Variants in PKD1L1 observed in about 807,000 individuals in gnomAD.
PKD1L1 encodes polycystin-1-like protein 1.
PKD1L1 carries 236 observed loss-of-function variants against 323.4 expected under a neutral mutation model. The ratio of observed to expected loss-of-function variants is 0.73; its 90% CI spans 0.66 to 0.81. PKD1L1 has a LOEUF of 0.81. Ranked by LOEUF, PKD1L1 falls within the 40% of genes least tolerant of loss-of-function variation. The probability of loss-of-function intolerance (pLI) is 0.00; values close to 1 mark genes in which losing one functional copy is unlikely to be tolerated. For synonymous variants in PKD1L1, 1,344 were observed against 1,335.0 expected (o/e 1.01, Z -0.15); for missense variants, 3,320 against 3,508.0 (o/e 0.95, Z 1.35).
At chr7:47,959,060 G>C in the PKD1L1 span, among the ~76,000 whole-genome samples, 2 of 152,284 alleles carry the variant, frequency 1.3e-5, no homozygotes, top group African/African-American at 4.8e-5. Context: ...CTAACTGCGA[G>C]TGATCCGCCA....
Position 47,782,648 on chromosome 7 carries a change from T to C in PKD1L1, c.8527-7482A>G, listed in dbSNP as rs138138083. Among the ~76,000 whole-genome samples the C allele has an allele frequency of 5.1e-4, 78 of 152,308 alleles. 1 individual carries two copies. The East Asian group carries it at 0.014, about 28-fold the overall frequency. On this transcript the variant is annotated intron_variant, in intron 56 of 56. Transcript: ENST00000289672. ...CACACTGGTGTAGTGAATGATGACA[T>C]TGGTACACCCATGTGTGCTAGCTGT...
At chr7:47,922,339 C>G (rs1450716896) in intron 7 of PKD1L1, among the ~76,000 whole-genome samples, 3 of 152,340 alleles carry the variant, frequency 2.0e-5, no homozygotes, top group Non-Finnish European at 2.9e-5. Flanking sequence ...ACTACCCCGT[C>G]TAGGAAGTGA....
Position 47,890,783 on chromosome 7 carries a change from AG to A in PKD1L1, c.2454-21del, listed in dbSNP as rs779306545. On this transcript the variant is annotated intron_variant, in intron 15 of 56. Transcript: ENST00000289672. ...TGATACCTGTTGGAGAAGTCATCGG[AG>A]TGGCTGAGGGGAGCATCAGGCAGAG... The A allele has an allele frequency of 3.7e-6, 6 of 1,609,162 alleles. No individual in the cohort carries two copies. Among genetic ancestry groups the A allele is most frequent in the Non-Finnish European group, 5.1e-6 (6 of 1,178,038 alleles).
chr7:47,949,166 C>G (rs1432751997), upstream of PKD1L1, among the ~76,000 whole-genome samples: 1 of 149,574 alleles, frequency 6.7e-6, no homozygotes, highest in Non-Finnish European at 1.5e-5. Context: ...GTCAGGAGCT[C>G]GAGACCAGCC....
chr7:47,896,540 T>TC (rs150021738), intron 14 of PKD1L1, among the ~76,000 whole-genome samples: 3,388 of 151,982 alleles, frequency 0.022, 135 homozygotes, highest in African/African-American at 0.077. Context: ...TGTTTAGTTG[T>TC]TTGGGGGGGA....
chr7:47,861,879 TCAAAAAAAAAAAA>T (rs1786034656), intron 26 of PKD1L1, among the ~76,000 whole-genome samples: 1 of 14,710 alleles, frequency 6.8e-5, no homozygotes, highest in African/African-American at 2.3e-4. Context: ...AGACTCTGTC[TCAAAAAAAAAAAA>T]AAAAAAAAAA....
chr7:47,813,930 C>T lies in PKD1L1; in HGVS notation c.7173+1G>A. 2 of 1,612,566 alleles carry T rather than the reference C, an allele frequency of 1.2e-6. No homozygotes were observed. Among genetic ancestry groups the T allele is most frequent in the Non-Finnish European group, 1.7e-6 (2 of 1,178,572 alleles). ...AAGCAAAAGGAAAAGGAACATCTTA[C>T]CTTGCATAAATGCCTAGGAAAAACT... On this transcript the variant is annotated splice_donor_variant, in intron 48 of 56. Transcript: ENST00000289672. LOFTEE classifies it high-confidence loss of function.
At chr7:47,827,031 T>C (rs955414676) in intron 45 of PKD1L1, among the ~76,000 whole-genome samples, 3 of 152,062 alleles carry the variant, frequency 2.0e-5, no homozygotes, top group African/African-American at 7.2e-5. Flanking sequence ...TGAAATCCAA[T>C]TGTGTGTGTG....
chr7:47,820,062 C>T (rs2128732142), intron 46 of PKD1L1, among the ~76,000 whole-genome samples: 2 of 152,286 alleles, frequency 1.3e-5, no homozygotes, highest in East Asian at 3.9e-4. Context: ...AATATTATTT[C>T]ATATCATGCA....
At chr7:47,789,966 G>A (rs191759637) in intron 56 of PKD1L1, among the ~76,000 whole-genome samples, 9 of 151,946 alleles carry the variant, frequency 5.9e-5, no homozygotes, top group African/African-American at 2.2e-4. Context: ...TCGGCTCACC[G>A]CAACCTCTGC....
At chr7:47,803,139 G>T (rs1165384115) in intron 53 of PKD1L1, 71 bp downstream of exon 53, 7 of 1,580,246 alleles carry the variant, frequency 4.4e-6, no homozygotes, top group Non-Finnish European at 5.2e-6. Flanking sequence ...TTTTTCCCTT[G>T]AGAAAGGCTG....
intron 24 of PKD1L1, among the ~76,000 whole-genome samples, chr7:47,870,183 A>AAAC (rs201556745): frequency 0.32 from 48,631 of 150,854 alleles, 8,298 homozygotes; most frequent in African/African-American, 0.43. Context: ...CAACAACAAC[A>AAAC]AAAAAAAACA....
At chr7:47,820,649 C>T (rs1785119760) in intron 46 of PKD1L1, among the ~76,000 whole-genome samples, 1 of 152,038 alleles carries the variant, frequency 6.6e-6, no homozygotes, top group African/African-American at 2.4e-5. Context: ...ATCGCTTGAA[C>T]CTGGGAGGTG....
rs190407052 is a variant in PKD1L1 at position 47,805,409 on chromosome 7, T to C, written c.7828-2065A>G. On this transcript the variant is annotated intron_variant, in intron 52 of 56. Coordinates refer to ENST00000289672, the MANE Select transcript of PKD1L1 (RefSeq NM_138295.5). ...GCCTACATTGAAGTTAGAGCTAAAT[T>C]CCTCTAACTGTCTCTACAGAGAATA... Among the ~76,000 whole-genome samples the C allele has an allele frequency of 7.3e-3, 1,108 of 152,340 alleles. 9 individuals carry two copies. The highest frequency in any genetic ancestry group is 0.026 in the African/African-American group (1,063 of 41,582).
At chr7:47,826,917 A>G (rs1785249061) in intron 45 of PKD1L1, among the ~76,000 whole-genome samples, 1 of 152,230 alleles carries the variant, frequency 6.6e-6, no homozygotes, top group South Asian at 2.1e-4. Context: ...TCCATGCCCT[A>G]AGAAGAGGTG....
chr7:47,862,090 G>A (rs532659500), intron 26 of PKD1L1, among the ~76,000 whole-genome samples: 1 of 151,448 alleles, frequency 6.6e-6, no homozygotes, highest in East Asian at 2.0e-4. Flanking sequence ...AGCTACTAGG[G>A]ACGCTGAGAC....
chr7:47,898,689 C>T (rs1213693494), intron 13 of PKD1L1, among the ~76,000 whole-genome samples: 1 of 151,992 alleles, frequency 6.6e-6, no homozygotes, highest in Non-Finnish European at 1.5e-5. Flanking sequence ...TCTCAGAAAT[C>T]ATGACATTTA....
At chr7:47,955,889 C>T in the PKD1L1 span, among the ~76,000 whole-genome samples, 1 of 152,134 alleles carries the variant, frequency 6.6e-6, no homozygotes, top group Non-Finnish European at 1.5e-5. Flanking sequence ...TATAACATAC[C>T]ATTTTTACCT....
At chr7:47,790,489 C>A (rs1453525752) in intron 56 of PKD1L1, among the ~76,000 whole-genome samples, 1 of 151,752 alleles carries the variant, frequency 6.6e-6, no homozygotes, top group African/African-American at 2.4e-5. Context: ...CGCCACCATA[C>A]TCGGCTAATT....
Sources: allele counts gnomAD v4.1 joint callset (sites outside exome capture counted in the v4.1 genomes callset), GRCh38; gene constraint gnomAD v4.1.1; transcripts MANE v1.5; gene names NCBI Gene and HGNC (gene_info 2026-07-23, HGNC 2026-07-21).